Variants in LGI1 observed in about 807,000 individuals in gnomAD.
The protein encoded by LGI1 is leucine-rich glioma-inactivated protein 1.
LGI1 carries 11 observed loss-of-function variants against 57.7 expected under a neutral mutation model. The observed-to-expected ratio is 0.19, with a 90% CI of 0.12 to 0.32. The LOEUF (loss-of-function observed/expected upper bound fraction) is 0.32, where lower values mean the gene tolerates loss of function less well. Ranked by LOEUF, LGI1 falls within the 10% of genes least tolerant of loss-of-function variation. LGI1 has a pLI of 1.00. For synonymous variants in LGI1, 222 were observed against 241.9 expected, an observed-to-expected ratio of 0.92 and a Z score of 0.76; for missense variants, 422 against 661.9, an observed-to-expected ratio of 0.64 and a Z score of 3.98.
At chr10:93,759,140 C>A (rs2059596526) in intron 2 of LGI1, 2 of 390,528 alleles carry the variant, frequency 5.1e-6, no homozygotes, top group Non-Finnish European at 9.5e-6. Flanking sequence ...AACTTGGGAA[C>A]TTGGGTTCTT....
intron 2 of LGI1, chr10:93,762,857 A>G (rs1240432280): frequency 6.6e-6 from 1 of 152,208 alleles, no homozygotes; most frequent in African/African-American, 2.4e-5. Context: ...AACTGCACAA[A>G]CTAGCACTCA....
At chr10:93,790,594 A>G in intron 5 of LGI1, 1 of 167,362 alleles carries the variant, frequency 6.0e-6, no homozygotes, top group Non-Finnish European at 1.3e-5. Context: ...GTCAATCAAC[A>G]GAGAAATGGA....
chr10:93,770,242 C>G (rs951379153), intron 2 of LGI1: 7 of 152,274 alleles, frequency 4.6e-5, no homozygotes, highest in Admixed American at 3.3e-4. Context: ...GTGGTATGCT[C>G]TAGGACACAG....
Position 93,797,513 on chromosome 10 carries a change from G to A in LGI1, c.1384G>A (p.Gly462Ser). 2 of 1,614,210 alleles carry A rather than the reference G, an allele frequency of 1.2e-6. No individual in the cohort carries two copies. The highest frequency in any genetic ancestry group is 1.7e-6 in the Non-Finnish European group (2 of 1,180,040). ...IGDSKVMKWG[G>S]SSFQDIQRMP... ...TGATTCCAAAGTCATGAAATGGGGA[G>A]GCTCCTCGTTCCAGGATATTCAGAG... The change falls in exon 8 of 8, where the codon GGC becomes AGC. Residue 462 changes from glycine to serine, a missense_variant. Transcript: ENST00000371418. The surrounding 1 kb of genome is among the most constrained non-coding windows in gnomAD (Gnocchi z 6.5).
intron 2 of LGI1, chr10:93,764,289 T>A (rs991685257): frequency 6.6e-6 from 1 of 152,318 alleles, no homozygotes; most frequent in African/African-American, 2.4e-5. Flanking sequence ...TCTTGCTATG[T>A]TGCCCACGCT....
In LGI1 at chr10:93,758,839, A is replaced by G. The variant is rs1274904550; in HGVS notation, c.287+8A>G. On this transcript the variant is annotated splice_region_variant and intron_variant, in intron 2 of 7. Transcript: ENST00000371418. This position sits in a 1 kb window ranked among gnomAD's most constrained non-coding sequence, Gnocchi z 4.7. The stretch of plus-strand genomic sequence containing the variant: ...GCCATCGCTGCAGCTCTTGTGAGAA[A>G]TATTTATATCATGACTATTTTTAAT... 6.3e-7 allele frequency: 1 copy of G among 1,590,814 alleles called. No individual in the cohort carries two copies. Among genetic ancestry groups the G allele is most frequent in the Non-Finnish European group, 8.6e-7 (1 of 1,159,202 alleles).
intron 2 of LGI1, chr10:93,759,167 G>T (rs2059596810): frequency 2.7e-6 from 1 of 364,506 alleles, no homozygotes; most frequent in South Asian, 2.4e-5. Context: ...TGGAGTTTTT[G>T]AATTAGTCAA....
At chr10:93,763,505 A>G (rs1190859748) in intron 2 of LGI1, 1 of 152,218 alleles carries the variant, frequency 6.6e-6, no homozygotes, top group Admixed American at 6.5e-5. Flanking sequence ...TTTCCCATGT[A>G]TTTGTTGAAT....
intron 2 of LGI1, among the ~76,000 whole-genome samples, chr10:93,765,969 CAAAAAAAAAAA>C (rs35644716): frequency 2.1e-5 from 2 of 95,042 alleles, no homozygotes; most frequent in Admixed American, 1.1e-4. Context: ...GCCTCCGTCT[CAAAAAAAAAAA>C]AAAAAAAAAG....
intron 2 of LGI1, among the ~76,000 whole-genome samples, chr10:93,766,040 T>G (rs2059673541): frequency 6.6e-6 from 1 of 152,024 alleles, no homozygotes; most frequent in Non-Finnish European, 1.5e-5. Context: ...TACATTAGGT[T>G]GTTCATTGAA....
chr10:93,795,001 C>T (rs916511504), intron 7 of LGI1, among the ~76,000 whole-genome samples: 4 of 152,124 alleles, frequency 2.6e-5, no homozygotes, highest in African/African-American at 9.7e-5. Context: ...TAGAATCCTC[C>T]TCTCTGAAGG....
At chr10:93,763,472 C>T (rs1167476770) in intron 2 of LGI1, 1 of 152,182 alleles carries the variant, frequency 6.6e-6, no homozygotes, top group East Asian at 1.9e-4. Flanking sequence ...AAACTGTGGT[C>T]CCAGAGAAAA....
chr10:93,761,873 G>A (rs991309497), intron 2 of LGI1, among the ~76,000 whole-genome samples: 3 of 152,064 alleles, frequency 2.0e-5, no homozygotes, highest in Non-Finnish European at 4.4e-5. Context: ...CAATGACAAC[G>A]ATTATGCGTT....
Position 93,758,921 on chromosome 10 carries a change from A to G in LGI1, c.287+90A>G. 1 of 1,001,160 alleles carries G rather than the reference A, an allele frequency of 1.0e-6. No homozygotes were observed. The highest frequency in any genetic ancestry group is 1.6e-6 in the Non-Finnish European group (1 of 639,030). 62.0% of individuals were successfully genotyped at this position (1,001,160 alleles called of 1,614,324 possible). ...AATGATCTCAATATTAATTTTGTCAAATGTGATTCTATTTCTGAGAAAACA... is the reference window on the plus strand; with the variant it reads ...AATGATCTCAATATTAATTTTGTCAGATGTGATTCTATTTCTGAGAAAACA... On this transcript the variant is annotated intron_variant, in intron 2 of 7. Coordinates refer to ENST00000371418, the MANE Select transcript of LGI1 (RefSeq NM_005097.4). The surrounding 1 kb of genome is among the most constrained non-coding windows in gnomAD (Gnocchi z 4.7).
intron 5 of LGI1, 23 bp downstream of exon 5, chr10:93,790,193 TG>T: frequency 6.4e-7 from 1 of 1,564,114 alleles, no homozygotes; most frequent in Non-Finnish European, 8.8e-7. Context: ...AAGAAATCAC[TG>T]AACAATTAAT....
At chr10:93,796,920 C>G in intron 7 of LGI1, 48 bp from the exon 8 acceptor site, 2 of 1,469,228 alleles carry the variant, frequency 1.4e-6, no homozygotes, top group Non-Finnish European at 1.9e-6. Flanking sequence ...TTTACATGCT[C>G]CAAAAGAGGA....
rs879390887 is a variant in LGI1, at chr10:93,757,977, G to A, written c.-168G>A. ...CTCTTCCCCCGAGCAGTGCATTGCT[G>A]GAGCGAGGAGAAGCTCACGAATCAG... On this transcript the variant is annotated 5_prime_UTR_variant, in exon 1 of 8. Coordinates refer to ENST00000371418, the MANE Select transcript of LGI1 (RefSeq NM_005097.4). 588 of 688,982 alleles carry A rather than the reference G, an allele frequency of 8.5e-4. 9 individuals carry two copies. In the Admixed American group the frequency reaches 0.011, roughly 13 times the overall value. The allele number at this position is 688,982 out of a possible 1,614,324, so 42.7% of individuals were successfully genotyped here. A position where few individuals can be genotyped will look rare whatever the true frequency, so the allele number is the denominator to read the frequency against.
intron 2 of LGI1, chr10:93,768,049 A>C (rs1168154469): frequency 6.6e-6 from 1 of 152,212 alleles, no homozygotes; most frequent in Admixed American, 6.5e-5. Context: ...GAAGAGTCTC[A>C]ATTTACTTAA....
chr10:93,794,557 G>A (rs1308225021), intron 7 of LGI1: 2 of 151,898 alleles, frequency 1.3e-5, no homozygotes, highest in East Asian at 3.9e-4. Flanking sequence ...TAGAGATGGG[G>A]TTTCACCAAG....
Sources: allele counts gnomAD v4.1 joint callset (sites outside exome capture counted in the v4.1 genomes callset), GRCh38; gene constraint gnomAD v4.1.1; non-coding constraint Gnocchi (gnomAD v3.1); transcripts MANE v1.5; gene names NCBI Gene and HGNC (gene_info 2026-07-23, HGNC 2026-07-21).